EBLN1: variants seen among roughly 807,000 people sequenced by gnomAD.
EBLN1 encodes the protein endogenous Bornavirus like nucleoprotein 1.
In EBLN1, 1 loss-of-function variant was observed where a neutral mutation model predicts 0.8. The ratio of observed to expected loss-of-function variants is 1.32; its 90% CI spans 0.47 to 6.26. The LOEUF (loss-of-function observed/expected upper bound fraction) is 6.26. Ranked by LOEUF, EBLN1 falls within the 30% of genes most tolerant of loss-of-function variation. The probability of loss-of-function intolerance (pLI) is 0.15; values close to 1 mark genes in which losing one functional copy is unlikely to be tolerated. For missense variants in EBLN1, 396 were observed against 447.9 expected (o/e 0.88, Z 1.05); for synonymous variants, 158 against 158.5 (o/e 1.00, Z 0.02).
chr10:22,215,439 C>T (rs888308153), intron 1 of EBLN1, among the ~76,000 whole-genome samples: 1 of 152,060 alleles, frequency 6.6e-6, no homozygotes, highest in South Asian at 2.1e-4. Flanking sequence ...AGTTAACAAA[C>T]TTGAGGAAAT....
At chr10:22,213,666 T>A (rs1834771055) in intron 1 of EBLN1, among the ~76,000 whole-genome samples, 1 of 152,322 alleles carries the variant, frequency 6.6e-6, no homozygotes, top group South Asian at 2.1e-4. Context: ...GCTGAGCTTT[T>A]TCGAAAAACT....
chr10:22,217,007 A>G (rs1328416592), intron 1 of EBLN1, among the ~76,000 whole-genome samples: 1 of 152,252 alleles, frequency 6.6e-6, no homozygotes, highest in Non-Finnish European at 1.5e-5. Context: ...TCAGCCAATC[A>G]GAATCCAATG....
chr10:22,208,860 A>G lies in EBLN1; in HGVS notation c.*23T>C. 2 of 1,492,600 alleles carry G rather than the reference A, an allele frequency of 1.3e-6. No homozygotes were observed. The highest frequency in any genetic ancestry group is 1.8e-6 in the Non-Finnish European group (2 of 1,128,460). 92.5% of individuals were successfully genotyped at this position (1,492,600 alleles called of 1,614,324 possible). A position where few individuals can be genotyped will look rare whatever the true frequency, so the allele number is the denominator to read the frequency against. ...ACATAATTTCTTTTTATATGTATAT[A>G]TAAGGATTAGTTCACGTATTTGTTA... On this transcript the variant is annotated 3_prime_UTR_variant, in exon 3 of 3. Transcript: ENST00000422359.
At chr10:22,211,712 C>G (rs186167151) in intron 2 of EBLN1, among the ~76,000 whole-genome samples, 1 of 152,078 alleles carries the variant, frequency 6.6e-6, no homozygotes, top group African/African-American at 2.4e-5. Context: ...AGGATGGTCT[C>G]GAACTCCTGA....
chr10:22,215,889 A>G (rs1477947330), intron 1 of EBLN1, among the ~76,000 whole-genome samples: 2 of 152,182 alleles, frequency 1.3e-5, no homozygotes, highest in African/African-American at 4.8e-5. Context: ...AATATATTAC[A>G]TATTAATATG....
rs1250848085 is a variant in EBLN1, at chr10:22,209,073, G to T, written c.911C>A (p.Ala304Glu). 3.3e-6 allele frequency: 5 copies of T among 1,536,506 alleles called. No homozygotes were observed. The highest frequency in any genetic ancestry group is 4.4e-6 in the Non-Finnish European group (5 of 1,146,912). Residue 304 changes from alanine to glutamate, a missense_variant, in exon 3 of 3, where the codon GCA (alanine) becomes GAA (glutamate). By Grantham distance (107) the Ala-to-Glu change is moderately radical. Transcript: ENST00000422359. ...CCTTCTTTTGGCCCAGTAGTTTGCTGCTGTTGCTAGGTTTGGGAACATTTG... is the reference window on the plus strand; with the variant it reads ...CCTTCTTTTGGCCCAGTAGTTTGCTTCTGTTGCTAGGTTTGGGAACATTTG... The part of the protein sequence containing the change: ...SPQMFPNLAT[A>E]ANYWAKRRNS...
intron 2 of EBLN1, among the ~76,000 whole-genome samples, chr10:22,210,443 A>T (rs1834741375): frequency 6.6e-6 from 1 of 152,250 alleles, no homozygotes; most frequent in South Asian, 2.1e-4. Context: ...GCCAGGATCC[A>T]CAGAAAGAGT....
Position 22,209,396 on chromosome 10 carries a change from G to C in EBLN1, c.588C>G (p.Ile196Met). 1 of 1,604,800 alleles carries C rather than the reference G, an allele frequency of 6.2e-7. No homozygotes were observed. The highest frequency in any genetic ancestry group is 8.5e-7 in the Non-Finnish European group (1 of 1,179,846). Residue 196 changes from isoleucine (I) to methionine (M), a missense_variant, in exon 3 of 3, where the codon ATC (isoleucine) becomes ATG (methionine). Ile to Met is a conservative substitution (Grantham distance 10). Coordinates refer to ENST00000422359, the MANE Select transcript of EBLN1 (RefSeq NM_001394757.1). Reference sequence around the variant, plus strand: ...ATCCTCCAACCCATGGTCTTGAGTTGATCCAATCTATAGCTGGCCCTGCAT... The same window carrying C: ...ATCCTCCAACCCATGGTCTTGAGTTCATCCAATCTATAGCTGGCCCTGCAT... ...SYNAGPAIDWINSRPWVGGLM... is the reference protein window; with the variant it reads ...SYNAGPAIDWMNSRPWVGGLM...
chr10:22,210,644 C>T (rs1343104498), intron 2 of EBLN1, among the ~76,000 whole-genome samples: 2 of 152,182 alleles, frequency 1.3e-5, no homozygotes, highest in East Asian at 3.8e-4. Context: ...TAGGATATTG[C>T]TCAGGGCATC....
chr10:22,211,598 C>T (rs990185612), intron 2 of EBLN1, among the ~76,000 whole-genome samples: 1 of 152,100 alleles, frequency 6.6e-6, no homozygotes, highest in African/African-American at 2.4e-5. Flanking sequence ...TTCAAGTGAT[C>T]CTCCTGCCCC....
At chr10:22,216,498 A>T (rs1236722045) in intron 1 of EBLN1, among the ~76,000 whole-genome samples, 1 of 152,210 alleles carries the variant, frequency 6.6e-6, no homozygotes, top group Non-Finnish European at 1.5e-5. Context: ...AAAACAAGCT[A>T]CTTGCATCAA....
intron 1 of EBLN1, among the ~76,000 whole-genome samples, chr10:22,215,484 T>C (rs925842331): frequency 7.2e-5 from 11 of 152,004 alleles, no homozygotes. Context: ...AAATACAAAT[T>C]AAAGCAATAA....
chr10:22,209,548 T>C lies in EBLN1; in HGVS notation c.436A>G (p.Ile146Val). 3 of 1,534,230 alleles carry C rather than the reference T, an allele frequency of 2.0e-6. No homozygotes were observed. Among genetic ancestry groups the C allele is most frequent in the Non-Finnish European group, 2.6e-6 (3 of 1,152,646 alleles). The change falls in exon 3 of 3, where the codon ATT (isoleucine) becomes GTT (valine). Residue 146 changes from isoleucine to valine, a missense_variant. Physicochemically the swap from Ile to Val is conservative, Grantham distance 29 (BLOSUM62 3). Transcript: ENST00000422359. ...ATCGGGTCACTCGATCCGGCAGCAA[T>C]GCCTATCAGATCACAGCAGTGACGC... ...ILRHCCDLIG[I>V]AAGSSDPICT...
chr10:22,209,642 A>T lies in EBLN1; in HGVS notation c.342T>A (p.Gly114=). ...CTTCAAATTTGCTAGCATAGAGAGTACCTGTTTCCTTGTTCTCATTCCCAA... is the reference window on the plus strand; with the variant it reads ...CTTCAAATTTGCTAGCATAGAGAGTTCCTGTTTCCTTGTTCTCATTCCCAA... ...IVIGNENKET[G]TLYASKFEDV... is the part of the protein sequence containing the mutation. The change falls in exon 3 of 3, where the codon GGT becomes GGA. Residue 114 remains glycine (G), a synonymous_variant. Transcript: ENST00000422359. The T allele has an allele frequency of 2.6e-6, 4 of 1,535,812 alleles. No homozygotes were observed. The highest frequency in any genetic ancestry group is 3.5e-6 in the Non-Finnish European group (4 of 1,146,890).
chr10:22,209,996 T>C lies in EBLN1; in HGVS notation c.-13A>G. 7.2e-7 allele frequency: 1 copy of C among 1,390,302 alleles called. No homozygotes were observed. The highest frequency in any genetic ancestry group is 9.3e-7 in the Non-Finnish European group (1 of 1,075,046). The allele number at this position is 1,390,302 out of a possible 1,614,324, so 86.1% of individuals were successfully genotyped here. On this transcript the variant is annotated 5_prime_UTR_variant, in exon 3 of 3. Coordinates refer to ENST00000422359, the MANE Select transcript of EBLN1 (RefSeq NM_001394757.1). Reference sequence around the variant, plus strand: ...TTGGGCGGGACATTGTGGGTGATTGTTTCTGTGATTTTCACACAATTTTGT... The same window carrying C: ...TTGGGCGGGACATTGTGGGTGATTGCTTCTGTGATTTTCACACAATTTTGT...
At chr10:22,215,286 A>G (rs1249962222) in intron 1 of EBLN1, among the ~76,000 whole-genome samples, 1 of 152,184 alleles carries the variant, frequency 6.6e-6, no homozygotes, top group Non-Finnish European at 1.5e-5. Context: ...AAACGGGTGA[A>G]TGGTATGGTG....
chr10:22,216,809 G>T (rs139573984), intron 1 of EBLN1, among the ~76,000 whole-genome samples: 2 of 152,328 alleles, frequency 1.3e-5, no homozygotes, highest in Non-Finnish European at 2.9e-5. Flanking sequence ...AACACTGGAA[G>T]TTTAATCAAG....
intron 1 of EBLN1, among the ~76,000 whole-genome samples, chr10:22,216,325 T>A (rs1309645342): frequency 6.6e-6 from 1 of 152,210 alleles, no homozygotes; most frequent in Non-Finnish European, 1.5e-5. Flanking sequence ...ATATGTGATG[T>A]ATTTTTCCTT....
At position 22,209,571 on chromosome 10, in the gene EBLN1, C is replaced by T. The variant is rs765282974; in HGVS notation, c.413G>A (p.Arg138His). 92 of 1,542,602 alleles carry T rather than the reference C, an allele frequency of 6.0e-5. No individual in the cohort carries two copies. Among genetic ancestry groups the T allele is most frequent in the East Asian group, 1.2e-4 (5 of 41,670 alleles). ...FTALEMSSIL[R>H]HCCDLIGIAA... ...AATGCCTATCAGATCACAGCAGTGA[C>T]GCAGAATTGATGACATCTCAAGGGC... The change falls in exon 3 of 3, where the codon CGT (arginine) becomes CAT (histidine). Residue 138 changes from arginine (R) to histidine (H), a missense_variant. By Grantham distance (29) the Arg-to-His change is conservative. Coordinates refer to ENST00000422359, the MANE Select transcript of EBLN1 (RefSeq NM_001394757.1).
Sources: allele counts gnomAD v4.1 joint callset (sites outside exome capture counted in the v4.1 genomes callset), GRCh38; gene constraint gnomAD v4.1.1; transcripts MANE v1.5; gene names NCBI Gene and HGNC (gene_info 2026-07-23, HGNC 2026-07-21).